Variants in ZSCAN5A observed in about 807,000 individuals in gnomAD.
The protein encoded by ZSCAN5A is zinc finger and SCAN domain-containing protein 5A.
Under a neutral mutation model 23.7 loss-of-function variants are expected in ZSCAN5A, and 12 were observed. That is an observed-to-expected ratio of 0.51 (90% CI 0.32 to 0.82). The LOEUF is 0.82. Among genes scored for constraint, ZSCAN5A ranks in the 40% least tolerant of loss-of-function variants. The probability of loss-of-function intolerance (pLI) is 0.03; values close to 1 mark genes in which losing one functional copy is unlikely to be tolerated. For synonymous variants in ZSCAN5A, 257 were observed against 239.9 expected (o/e 1.07, Z -0.66); for missense variants, 597 against 617.9 (o/e 0.97, Z 0.36).
At chr19:56,277,531 G>T (rs1278718449) in intron 2 of ZSCAN5A, among the ~76,000 whole-genome samples, 1 of 151,802 alleles carries the variant, frequency 6.6e-6, no homozygotes, top group African/African-American at 2.4e-5. Context: ...TTTCCAGGGG[G>T]TGAGGGGTGG....
chr19:56,250,877 T>C (rs1251613168), intron 2 of ZSCAN5A, among the ~76,000 whole-genome samples: 4 of 152,116 alleles, frequency 2.6e-5, no homozygotes, highest in African/African-American at 9.7e-5. Flanking sequence ...GCCTAAGCTA[T>C]TCAACTAAAT....
At chr19:56,252,628 C>T (rs2036424928) in intron 2 of ZSCAN5A, among the ~76,000 whole-genome samples, 1 of 152,220 alleles carries the variant, frequency 6.6e-6, no homozygotes, top group Admixed American at 6.5e-5. Flanking sequence ...TTCTAATCAG[C>T]TTGTCCAGCT....
At chr19:56,259,197 G>C (rs1280133552) in intron 2 of ZSCAN5A, among the ~76,000 whole-genome samples, 1 of 151,996 alleles carries the variant, frequency 6.6e-6, no homozygotes, top group Non-Finnish European at 1.5e-5. Context: ...TTCCCACCCT[G>C]TACTTATTTT....
chr19:56,265,753 A>G (rs2037428897), intron 2 of ZSCAN5A, among the ~76,000 whole-genome samples: 1 of 152,138 alleles, frequency 6.6e-6, no homozygotes, highest in Admixed American at 6.5e-5. Flanking sequence ...AAAGCATTAA[A>G]TCTGCTTCTT....
Position 56,224,074 on chromosome 19 carries a change from G to A in ZSCAN5A, c.385-240C>T, listed in dbSNP as rs575898296. On this transcript the variant is annotated intron_variant, in intron 3 of 5. Transcript: ENST00000683990. ...GTACATAAACATGGGTCCTTTAGAT[G>A]AAATAGTCTCTAAACCAAAGAGAAG... 7.9e-5 allele frequency among the ~76,000 whole-genome samples: 12 copies of A among 151,794 alleles called. No homozygotes were observed. The East Asian group carries it at 2.3e-3, about 29-fold the overall frequency.
chr19:56,319,747 T>C, upstream of ZSCAN5A: 1 of 715,834 alleles, frequency 1.4e-6, no homozygotes, highest in Non-Finnish European at 2.6e-6. Context: ...CAAACACAGA[T>C]CTGCTCGGGC....
intron 2 of ZSCAN5A, among the ~76,000 whole-genome samples, chr19:56,243,350 C>G (rs8110429): frequency 0.57 from 87,338 of 151,908 alleles, 25,560 homozygotes; most frequent in South Asian, 0.72. Flanking sequence ...TTGTGCACTT[C>G]AAGATGGTAA....
chr19:56,323,546 T>G (rs2041402430), intron 2 of ZSCAN5A, among the ~76,000 whole-genome samples: 1 of 151,490 alleles, frequency 6.6e-6, no homozygotes, highest in African/African-American at 2.4e-5. Context: ...TTTTTTTTTT[T>G]TTTTTTTGAG....
chr19:56,239,815 A>AC (rs397935611), intron 2 of ZSCAN5A, among the ~76,000 whole-genome samples: 1 of 151,770 alleles, frequency 6.6e-6, no homozygotes. Context: ...CATGTCCTTT[A>AC]TTTGTTAGGA....
intron 2 of ZSCAN5A, chr19:56,342,565 T>C (rs780526886): frequency 2.9e-5 from 11 of 382,890 alleles, no homozygotes; most frequent in Admixed American, 1.2e-4. Context: ...GTGAATGCTA[T>C]AGAAGAGATC....
At position 56,223,747 on chromosome 19, in the gene ZSCAN5A, G is replaced by A. The variant is rs760092983; in HGVS notation, c.472C>T (p.Leu158=). The A allele has an allele frequency of 1.9e-6, 3 of 1,613,890 alleles. No homozygotes were observed. The highest frequency in any genetic ancestry group is 2.2e-5 in the East Asian group (1 of 44,848). ...AEAPSSVRDD[L]KDVSSQRASS... is the part of the protein sequence containing the mutation. ...GCCCGTTGGCTGGACACGTCTTTCA[G>A]ATCATCTCTGACACTGGAGGGGGCT... The change falls in exon 4 of 6, where the codon CTG becomes TTG. Residue 158 remains leucine, a synonymous_variant. Transcript: ENST00000683990.
At chr19:56,234,869 C>G (rs1488006637) in intron 2 of ZSCAN5A, among the ~76,000 whole-genome samples, 1 of 152,250 alleles carries the variant, frequency 6.6e-6, no homozygotes, top group Non-Finnish European at 1.5e-5. Flanking sequence ...AAAGCCCTTC[C>G]TTCTACAACT....
At position 56,221,983 on chromosome 19, in the gene ZSCAN5A, G is replaced by C. The variant is rs181999776; in HGVS notation, c.1083C>G (p.Cys361Trp). Residue 361 changes from cysteine (C) to tryptophan (W), a missense_variant, in exon 6 of 6, where the codon TGC becomes TGG. Coordinates refer to ENST00000683990, the MANE Select transcript of ZSCAN5A (RefSeq NM_001322064.3). ...TGGAATTACACGTAAACCTCTTCTC[G>C]CACACGTCACATGCAAAGGGCGGCA... ...KALPPFACDV[C>W]EKRFTCNSKL... 2 of 1,614,154 alleles carry C rather than the reference G, an allele frequency of 1.2e-6. No individual in the cohort carries two copies. The highest frequency in any genetic ancestry group is 2.2e-5 in the East Asian group (1 of 44,886).
chr19:56,275,727 TG>T (rs1216141540), intron 2 of ZSCAN5A, among the ~76,000 whole-genome samples: 1 of 152,238 alleles, frequency 6.6e-6, no homozygotes, highest in Non-Finnish European at 1.5e-5. Context: ...GAACAGAGTT[TG>T]GGGTGTCTAG....
intron 2 of ZSCAN5A, among the ~76,000 whole-genome samples, chr19:56,270,418 C>CAATA (rs980256963): frequency 5.9e-5 from 9 of 151,714 alleles, no homozygotes; most frequent in Non-Finnish European, 1.0e-4. Flanking sequence ...GACCCCGTCT[C>CAATA]AATAAATAAA....
chr19:56,366,608 C>T (rs1349734628), intron 1 of ZSCAN5A, among the ~76,000 whole-genome samples: 3 of 152,070 alleles, frequency 2.0e-5, no homozygotes, highest in Non-Finnish European at 4.4e-5. Context: ...ATTGACTTCC[C>T]ACTGGAATGA....
chr19:56,221,362 A>G lies in ZSCAN5A; in HGVS notation c.*213T>C, dbSNP rs1348341080. ...TGGAAGAACAGCAACACAAACCAAA[A>G]TAAACCTATAAGAAAACAATGGACA... On this transcript the variant is annotated 3_prime_UTR_variant, in exon 6 of 6. Transcript: ENST00000683990. 3.3e-5 allele frequency: 17 copies of G among 518,034 alleles called. No homozygotes were observed. Among genetic ancestry groups the G allele is most frequent in the Non-Finnish European group, 9.8e-6 (3 of 306,418 alleles). The allele number at this position is 518,034 out of a possible 1,614,324, so 32.1% of individuals were successfully genotyped here. A position where few individuals can be genotyped will look rare whatever the true frequency, so the allele number is the denominator to read the frequency against.
At chr19:56,228,861 A>G (rs2034218944) in intron 2 of ZSCAN5A, among the ~76,000 whole-genome samples, 1 of 152,190 alleles carries the variant, frequency 6.6e-6, no homozygotes, top group Non-Finnish European at 1.5e-5. Context: ...GCTTTGTTTG[A>G]ACTAGACTAA....
chr19:56,298,855 TA>T (rs1355190746), intron 2 of ZSCAN5A, among the ~76,000 whole-genome samples: 1 of 152,162 alleles, frequency 6.6e-6, no homozygotes, highest in African/African-American at 2.4e-5. Flanking sequence ...TAGGACAGAA[TA>T]ACCTTGATAA....
Sources: gnomAD v4.1 joint callset for allele counts (sites outside exome capture counted in the v4.1 genomes callset) on GRCh38, gnomAD v4.1.1 for gene constraint, MANE v1.5 for transcripts, NCBI Gene and HGNC (gene_info 2026-07-23, HGNC 2026-07-21) for gene names.